RERE: variants seen among roughly 807,000 people sequenced by gnomAD.
The protein encoded by RERE is arginine-glutamic acid dipeptide repeats protein.
RERE carries 40 observed loss-of-function variants against 146.1 expected under a neutral mutation model. That is an observed-to-expected ratio of 0.27 (90% CI 0.21 to 0.36). The LOEUF (loss-of-function observed/expected upper bound fraction) is 0.36, where lower values mean the gene tolerates loss of function less well. RERE is among the 10% of genes least tolerant of loss of function. The pLI is 1.00. For synonymous variants in RERE, 1,003 were observed against 866.0 expected (o/e 1.16, Z -2.78); for missense variants, 1,933 against 2,138.7 (o/e 0.90, Z 1.90).
intron 2 of RERE, among the ~76,000 whole-genome samples, chr1:8,651,462 A>T (rs1386018168): frequency 6.6e-6 from 1 of 152,122 alleles, no homozygotes; most frequent in African/African-American, 2.4e-5. Flanking sequence ...TTCTCCACAG[A>T]TCCTAAGCTT....
chr1:8,730,816 C>G (rs1258800674), intron 1 of RERE, among the ~76,000 whole-genome samples: 1 of 152,202 alleles, frequency 6.6e-6, no homozygotes, highest in Non-Finnish European at 1.5e-5. Flanking sequence ...AACTGAAGGA[C>G]TAACGCTGCA....
chr1:8,772,458 CA>C (rs989909324), intron 1 of RERE, among the ~76,000 whole-genome samples: 14 of 151,998 alleles, frequency 9.2e-5, no homozygotes, highest in African/African-American at 3.1e-4. Context: ...AGGAACTCAA[CA>C]AGGAAAATCA....
At chr1:8,662,794 T>C (rs760743696) in intron 1 of RERE, among the ~76,000 whole-genome samples, 4 of 152,170 alleles carry the variant, frequency 2.6e-5, no homozygotes, top group Non-Finnish European at 5.9e-5. Context: ...GAAGCCAAGA[T>C]CCAAGTTCTT....
intron 1 of RERE, among the ~76,000 whole-genome samples, chr1:8,791,740 T>C (rs769537282): frequency 1.1e-4 from 17 of 152,174 alleles, no homozygotes; most frequent in Non-Finnish European, 2.4e-4. Flanking sequence ...ACTAAACACA[T>C]AGCTCCTGGA....
At chr1:8,483,489 T>C (rs1028685426) in intron 10 of RERE, among the ~76,000 whole-genome samples, 5 of 152,162 alleles carry the variant, frequency 3.3e-5, no homozygotes, top group Non-Finnish European at 7.4e-5. Flanking sequence ...TTTTTTAGAA[T>C]AAAAGAGAAA....
rs572231137 is a variant in RERE, at chr1:8,736,625, G to A, written c.-144-80184C>T. Among the ~76,000 whole-genome samples, 9 of 152,024 alleles carry A rather than the reference G, an allele frequency of 5.9e-5. No homozygotes were observed. The South Asian group carries it at 1.5e-3, about 25-fold the overall frequency. ...AAATTTCAAAAATATAATAATCTTG[G>A]AATGTTTGTTACCCTTGGCTTATAT... On this transcript the variant is annotated intron_variant, in intron 1 of 22. Coordinates refer to ENST00000400908, the MANE Select transcript of RERE (RefSeq NM_001042681.2).
At chr1:8,735,191 C>A (rs768391215) in intron 1 of RERE, among the ~76,000 whole-genome samples, 1 of 152,156 alleles carries the variant, frequency 6.6e-6, no homozygotes, top group Non-Finnish European at 1.5e-5. Context: ...TGTTTGGCTG[C>A]AATTTGTTAC....
chr1:8,635,770 A>G (rs528407002), intron 2 of RERE, among the ~76,000 whole-genome samples: 2 of 152,332 alleles, frequency 1.3e-5, no homozygotes, highest in East Asian at 3.9e-4. Context: ...TCTATAAGGA[A>G]AAGAATCATA....
At chr1:8,395,556 G>A (rs1643026574) in intron 12 of RERE, among the ~76,000 whole-genome samples, 1 of 151,920 alleles carries the variant, frequency 6.6e-6, no homozygotes. Context: ...CAGCTATGCA[G>A]GCACCTGGAG....
intron 7 of RERE, among the ~76,000 whole-genome samples, chr1:8,530,771 A>C (rs1308542314): frequency 7.2e-6 from 1 of 139,006 alleles, no homozygotes; most frequent in Non-Finnish European, 1.5e-5. Context: ...GGCTCACTGC[A>C]AGCTCCGCTT....
At chr1:8,500,394 T>C (rs533680805) in intron 8 of RERE, among the ~76,000 whole-genome samples, 1 of 152,204 alleles carries the variant, frequency 6.6e-6, no homozygotes, top group Non-Finnish European at 1.5e-5. Flanking sequence ...AATTGATGAG[T>C]TGGAGACGGG....
chr1:8,541,988 T>C (rs1461750409), intron 6 of RERE, among the ~76,000 whole-genome samples: 1 of 152,168 alleles, frequency 6.6e-6, no homozygotes, highest in Non-Finnish European at 1.5e-5. Flanking sequence ...TTCAGGTTCA[T>C]TTACCACCTA....
At chr1:8,622,820 G>C (rs556630687) in intron 3 of RERE, among the ~76,000 whole-genome samples, 3 of 151,596 alleles carry the variant, frequency 2.0e-5, no homozygotes, top group African/African-American at 7.3e-5. Context: ...TTGGTACTTG[G>C]GCCATTAAAA....
chr1:8,428,264 C>A (rs750904166), intron 11 of RERE, among the ~76,000 whole-genome samples: 4 of 152,192 alleles, frequency 2.6e-5, no homozygotes, highest in Non-Finnish European at 5.9e-5. Context: ...CTCAGACGCA[C>A]GAACTGAGCG....
At chr1:8,608,157 G>T (rs1033111089) in intron 4 of RERE, among the ~76,000 whole-genome samples, 2 of 152,054 alleles carry the variant, frequency 1.3e-5, no homozygotes, top group Admixed American at 6.5e-5. Context: ...CCAAGGTGCT[G>T]GGATTATAGG....
chr1:8,500,684 T>C (rs1162662182), intron 8 of RERE, among the ~76,000 whole-genome samples: 52 of 141,924 alleles, frequency 3.7e-4, no homozygotes, highest in African/African-American at 1.1e-3. Context: ...GTCTGGGATA[T>C]GAGGAGCCTC....
At chr1:8,526,079 ACT>A (rs1477277619) in intron 7 of RERE, 130 of 1,151,280 alleles carry the variant, frequency 1.1e-4, no homozygotes, top group Admixed American at 2.0e-4. Flanking sequence ...CAGCCAACAG[ACT>A]CTGCAGCTTC....
intron 13 of RERE, among the ~76,000 whole-genome samples, chr1:8,365,559 A>G (rs549186007): frequency 1.3e-5 from 2 of 152,332 alleles, no homozygotes; most frequent in South Asian, 2.1e-4. Context: ...GTAAAAACCT[A>G]AGATGATGTT....
chr1:8,541,132 TAC>T (rs140827335), intron 7 of RERE, 80 bp downstream of exon 7: 6,804 of 663,686 alleles, frequency 0.01, no homozygotes, highest in South Asian at 0.016. Flanking sequence ...AAGCATAAAC[TAC>T]ACACACACAC....
Sources: allele counts gnomAD v4.1 joint callset (sites outside exome capture counted in the v4.1 genomes callset), GRCh38; gene constraint gnomAD v4.1.1; transcripts MANE v1.5; gene names NCBI Gene and HGNC (gene_info 2026-07-23, HGNC 2026-07-21).